STK32C: variants seen among roughly 807,000 people sequenced by gnomAD.
STK32C encodes serine/threonine kinase 32C.
STK32C carries 31 observed loss-of-function variants against 56.5 expected under a neutral mutation model. The observed-to-expected ratio is 0.55, with a 90% CI of 0.41 to 0.74. The LOEUF is 0.74. Among genes scored for constraint, STK32C ranks in the 30% least tolerant of loss-of-function variants. The pLI is 0.00. For synonymous variants in STK32C, 309 were observed against 289.4 expected (o/e 1.07, Z -0.69); for missense variants, 544 against 676.9 (o/e 0.80, Z 2.18).
In STK32C at chr10:132,307,521, C is replaced by T. The variant is rs749504362; in HGVS notation, c.262+51G>A. ...CGGGAAAAAGCCGCCCAGCCGCGCC[C>T]GCCCCTGCAATAGCGCGCGGCCCCC... On this transcript the variant is annotated intron_variant, in intron 1 of 11. Coordinates refer to ENST00000298630, the MANE Select transcript of STK32C (RefSeq NM_173575.4). This position sits in a 1 kb window ranked among gnomAD's most constrained non-coding sequence, Gnocchi z 4.4. The T allele has an allele frequency of 2.0e-6, 3 of 1,506,558 alleles. No individual in the cohort carries two copies. Among genetic ancestry groups the T allele is most frequent in the African/African-American group, 2.9e-5 (2 of 68,706 alleles). 93.3% of individuals were successfully genotyped at this position (1,506,558 alleles called of 1,614,324 possible).
At position 132,235,280 on chromosome 10, in the gene STK32C, G is replaced by A. The variant is rs981119757; in HGVS notation, c.319-7152C>T. 3.9e-5 allele frequency among the ~76,000 whole-genome samples: 6 copies of A among 152,000 alleles called. No homozygotes were observed. The East Asian group carries it at 5.8e-4, about 15-fold the overall frequency. On this transcript the variant is annotated intron_variant, in intron 2 of 11. Coordinates refer to ENST00000298630, the MANE Select transcript of STK32C (RefSeq NM_173575.4). Reference sequence around the variant, plus strand: ...TGAGAGGCGGAGGCGGGCAGATCACGAGGTCAGGAGTTCAAGACCATCCTG... The same window carrying A: ...TGAGAGGCGGAGGCGGGCAGATCACAAGGTCAGGAGTTCAAGACCATCCTG...
chr10:132,258,762 G>A (rs980362950), intron 1 of STK32C, among the ~76,000 whole-genome samples: 1 of 152,312 alleles, frequency 6.6e-6, no homozygotes, highest in East Asian at 1.9e-4. Flanking sequence ...CCTCCTGAGC[G>A]GGCCCAGGCC....
chr10:132,280,384 A>AC (rs2065138793), intron 1 of STK32C, among the ~76,000 whole-genome samples: 1 of 87,664 alleles, frequency 1.1e-5, no homozygotes, highest in African/African-American at 4.6e-5. Context: ...TGATCACGAC[A>AC]CTCCACCCCG....
intron 10 of STK32C, among the ~76,000 whole-genome samples, chr10:132,222,151 T>A (rs1289346011): frequency 1.4e-5 from 2 of 145,692 alleles, no homozygotes; most frequent in Non-Finnish European, 3.0e-5. Flanking sequence ...GTGTGAGGGC[T>A]TCATGTGGCC....
upstream of STK32C, among the ~76,000 whole-genome samples, chr10:132,309,011 G>A (rs998382809): frequency 4.6e-5 from 7 of 152,222 alleles, no homozygotes; most frequent in Non-Finnish European, 8.8e-5. Flanking sequence ...AGGACACAAA[G>A]ACGGGGTCTC....
chr10:132,305,129 G>A (rs566941113), intron 1 of STK32C, among the ~76,000 whole-genome samples: 13 of 152,336 alleles, frequency 8.5e-5, no homozygotes, highest in African/African-American at 2.9e-4. Flanking sequence ...CCCCAAAAAT[G>A]AATTTTTCAC....
At chr10:132,289,320 G>C (rs2065499607) in intron 1 of STK32C, among the ~76,000 whole-genome samples, 1 of 152,150 alleles carries the variant, frequency 6.6e-6, no homozygotes, top group Admixed American at 6.5e-5. Flanking sequence ...CGATTTCTTA[G>C]AGGAGACACA....
intron 2 of STK32C, among the ~76,000 whole-genome samples, chr10:132,240,681 C>T (rs12268757): frequency 0.19 from 29,487 of 151,984 alleles, 3,439 homozygotes; most frequent in Non-Finnish European, 0.27. Flanking sequence ...ATGCGGACGC[C>T]GTGCGCCTGT....
chr10:132,264,094 G>A (rs1056989496), intron 1 of STK32C, among the ~76,000 whole-genome samples: 6 of 152,140 alleles, frequency 3.9e-5, no homozygotes, highest in East Asian at 3.9e-4. Context: ...CGGTGGCGAC[G>A]GATGTAATCA....
intron 2 of STK32C, among the ~76,000 whole-genome samples, chr10:132,236,666 TC>T (rs1193338368): frequency 1.3e-5 from 2 of 151,960 alleles, no homozygotes; most frequent in African/African-American, 2.4e-5. Context: ...TCCAGTACTA[TC>T]CCCCACCCAC....
At chr10:132,248,343 C>T (rs1166816169) in intron 1 of STK32C, among the ~76,000 whole-genome samples, 6 of 152,258 alleles carry the variant, frequency 3.9e-5, no homozygotes, top group African/African-American at 1.4e-4. Flanking sequence ...GCAACCCCAA[C>T]AGGACAGACC....
intron 1 of STK32C, among the ~76,000 whole-genome samples, chr10:132,296,820 G>A (rs1232924094): frequency 6.6e-6 from 1 of 152,228 alleles, no homozygotes; most frequent in East Asian, 1.9e-4. Flanking sequence ...AGATGTCCCA[G>A]GCGACCCCGG....
intron 1 of STK32C, among the ~76,000 whole-genome samples, chr10:132,290,140 C>A (rs1348710779): frequency 6.6e-6 from 1 of 152,174 alleles, no homozygotes; most frequent in Admixed American, 6.5e-5. Flanking sequence ...CCACCATAGA[C>A]CCCAAGAAGA....
Position 132,222,676 on chromosome 10 carries a change from T to C in STK32C, c.1216A>G (p.Lys406Glu), listed in dbSNP as rs2062724150. ...CTGTCCCTGCTGTTGTCCCGGGACT[T>C]GTTCTTGGCCAGACGCTTCTTCTTC... ...HKKKKRLAKN[K>E]SRDNSRDSSQ... is the part of the protein sequence containing the mutation. The change falls in exon 10 of 12, where the codon AAG becomes GAG. Residue 406 changes from lysine (K) to glutamate (E), a missense_variant. Around this residue, in one of 3 missense-constraint regions of STK32C, gnomAD observed 277 missense variants for 309.3 expected, o/e 0.90. Transcript: ENST00000298630. 1.2e-6 allele frequency: 2 copies of C among 1,613,276 alleles called. No individual in the cohort carries two copies. Among genetic ancestry groups the C allele is most frequent in the Non-Finnish European group, 1.7e-6 (2 of 1,179,930 alleles).
chr10:132,331,853 A>G (rs534094840), upstream of STK32C: 59 of 1,435,428 alleles, frequency 4.1e-5, no homozygotes, highest in Middle Eastern at 2.2e-4. Context: ...AACGGATGCT[A>G]CCGTTGGCCG....
chr10:132,316,849 A>C (rs2066319423), intron 1 of STK32C, among the ~76,000 whole-genome samples: 1 of 152,032 alleles, frequency 6.6e-6, no homozygotes, highest in Non-Finnish European at 1.5e-5. Flanking sequence ...AGGTCAAGAG[A>C]TTGAGACCAT....
chr10:132,320,921 C>T (rs951128346), downstream of STK32C, among the ~76,000 whole-genome samples: 1 of 152,220 alleles, frequency 6.6e-6, no homozygotes, highest in African/African-American at 2.4e-5. Context: ...AATTATTGGT[C>T]CAGCTTATCT....
At chr10:132,301,873 G>A (rs150181837) in intron 1 of STK32C, among the ~76,000 whole-genome samples, 8 of 152,344 alleles carry the variant, frequency 5.3e-5, no homozygotes, top group East Asian at 1.9e-4. Context: ...TCGGGAGCCC[G>A]GGCCAAGGGA....
At chr10:132,226,992 G>T in intron 3 of STK32C, 24 bp from the exon 4 acceptor site, 11 of 1,612,014 alleles carry the variant, frequency 6.8e-6, no homozygotes, top group Non-Finnish European at 9.3e-6. Flanking sequence ...TGGAAGGCCT[G>T]TTGTGCGCAC....
Sources: allele counts gnomAD v4.1 joint callset (sites outside exome capture counted in the v4.1 genomes callset), GRCh38; gene constraint gnomAD v4.1.1; regional missense constraint gnomAD v4.1.1; non-coding constraint Gnocchi (gnomAD v3.1); transcripts MANE v1.5; gene names NCBI Gene and HGNC (gene_info 2026-07-23, HGNC 2026-07-21).